ELMO1: variants seen among roughly 807,000 people sequenced by gnomAD.
ELMO1 encodes engulfment and cell motility 1.
Under a neutral mutation model 98.9 loss-of-function variants are expected in ELMO1, and 26 were observed. The ratio of observed to expected loss-of-function variants is 0.26; its 90% CI spans 0.19 to 0.36. The LOEUF (loss-of-function observed/expected upper bound fraction) is 0.36. ELMO1 is among the 10% of genes least tolerant of loss of function. The pLI is 1.00. For synonymous variants in ELMO1, 346 were observed against 346.0 expected, an observed-to-expected ratio of 1.00 and a Z score of 0.00; for missense variants, 627 against 935.2, an observed-to-expected ratio of 0.67 and a Z score of 4.30.
chr7:37,014,869 A>G (rs570108918), intron 15 of ELMO1, among the ~76,000 whole-genome samples: 74 of 150,324 alleles, frequency 4.9e-4, no homozygotes, highest in African/African-American at 1.8e-3. Context: ...TCTCGGGGAG[A>G]GCCCTGGTGC....
chr7:37,407,557 T>A (rs1583702758), intron 1 of ELMO1, among the ~76,000 whole-genome samples: 2 of 149,192 alleles, frequency 1.3e-5, no homozygotes. Flanking sequence ...TATTTCTAAG[T>A]GAAGGAAGCC....
chr7:37,122,947 A>G (rs1423961285), intron 14 of ELMO1, among the ~76,000 whole-genome samples: 4 of 152,244 alleles, frequency 2.6e-5, no homozygotes, highest in African/African-American at 9.7e-5. Context: ...CTCAGACCAC[A>G]GTGCAACCAA....
In ELMO1 at chr7:36,870,355, GGCAAATAGAGCTATTT is replaced by G. The variant is rs1443150486; in HGVS notation, c.1905+22_1905+37del. 1.3e-6 allele frequency: 2 copies of G among 1,591,340 alleles called. No homozygotes were observed. The highest frequency in any genetic ancestry group is 8.6e-7 in the Non-Finnish European group (1 of 1,159,524). On this transcript the variant is annotated intron_variant, in intron 20 of 21. Coordinates refer to ENST00000310758, the MANE Select transcript of ELMO1 (RefSeq NM_014800.11). This position sits in a 1 kb window ranked among gnomAD's most constrained non-coding sequence, Gnocchi z 4.4. Reference sequence around the variant, plus strand: ...CTGGCTGCAGTTGCCGACCGCACTGGGCAAATAGAGCTATTTGCAATAATTTGGAAATCATACCTTG... The same window carrying G: ...CTGGCTGCAGTTGCCGACCGCACTGGGCAATAATTTGGAAATCATACCTTG...
intron 17 of ELMO1, among the ~76,000 whole-genome samples, chr7:36,893,994 T>C (rs1025989368): frequency 2.0e-5 from 3 of 152,164 alleles, no homozygotes; most frequent in Non-Finnish European, 2.9e-5. Flanking sequence ...ATGTTACAAG[T>C]TGGCTTCATG....
chr7:37,108,071 T>G (rs1347802026), intron 14 of ELMO1, among the ~76,000 whole-genome samples: 3 of 152,200 alleles, frequency 2.0e-5, no homozygotes, highest in Non-Finnish European at 2.9e-5. Context: ...ATGAAAAAAT[T>G]GACTGAAACC....
At chr7:37,050,812 A>C (rs1284242993) in intron 15 of ELMO1, among the ~76,000 whole-genome samples, 1 of 139,562 alleles carries the variant, frequency 7.2e-6, no homozygotes, top group African/African-American at 3.1e-5. Context: ...GCCAAGTTCA[A>C]AGGTTTTTTT....
intron 4 of ELMO1, among the ~76,000 whole-genome samples, chr7:37,307,160 A>G (rs1798652673): frequency 6.6e-6 from 1 of 152,202 alleles, no homozygotes; most frequent in Non-Finnish European, 1.5e-5. Flanking sequence ...AAAATTAGGT[A>G]TGTCCAAAGG....
chr7:37,276,339 T>G (rs1347070402), intron 4 of ELMO1, among the ~76,000 whole-genome samples: 2 of 152,184 alleles, frequency 1.3e-5, no homozygotes, highest in Admixed American at 6.5e-5. Flanking sequence ...CCGGGCACGG[T>G]GGCTCAAGCC....
At chr7:37,211,143 C>A (rs1309095659) in intron 13 of ELMO1, 6 of 464,726 alleles carry the variant, frequency 1.3e-5, no homozygotes, top group Non-Finnish European at 2.3e-5. Flanking sequence ...CTCTCGGTTA[C>A]ACTTAATCAG....
chr7:37,404,832 G>A (rs1033617361), intron 1 of ELMO1, among the ~76,000 whole-genome samples: 2 of 152,260 alleles, frequency 1.3e-5, no homozygotes, highest in South Asian at 4.1e-4. Context: ...CTGGGTAATC[G>A]TTACTTGATG....
intron 13 of ELMO1, among the ~76,000 whole-genome samples, chr7:37,160,920 C>T (rs1470827801): frequency 1.3e-5 from 2 of 152,170 alleles, no homozygotes; most frequent in East Asian, 3.8e-4. Flanking sequence ...AGAGACCAAC[C>T]TGGGTTCCAA....
At chr7:37,071,716 A>G (rs1344451069) in intron 15 of ELMO1, among the ~76,000 whole-genome samples, 1 of 152,222 alleles carries the variant, frequency 6.6e-6, no homozygotes, top group African/African-American at 2.4e-5. Context: ...TCATGCTACC[A>G]TATTTTATTT....
At chr7:36,861,101 C>T (rs982186353) in intron 21 of ELMO1, among the ~76,000 whole-genome samples, 2 of 152,164 alleles carry the variant, frequency 1.3e-5, no homozygotes, top group African/African-American at 4.8e-5. Context: ...CTTACAAATG[C>T]ATTTTCCTAG....
chr7:37,133,901 C>T (rs149342083), intron 13 of ELMO1, among the ~76,000 whole-genome samples: 30 of 152,216 alleles, frequency 2.0e-4, no homozygotes, highest in African/African-American at 6.0e-4. Flanking sequence ...TACAGATATG[C>T]AGAACTCAAA....
rs868422885 is a variant in ELMO1, at chr7:37,167,413, G to C, written c.1087-34179C>G. 1.9e-3 allele frequency among the ~76,000 whole-genome samples: 283 copies of C among 152,020 alleles called. 2 individuals carry two copies. Among genetic ancestry groups the C allele is most frequent in the African/African-American group, 6.5e-3 (268 of 41,450 alleles). Reference sequence around the variant, plus strand: ...TAGCTGGTTATTTTGCTCGTTAGTTGATGCAGTTTCTTCCTAGTCTCAATG... The same window carrying C: ...TAGCTGGTTATTTTGCTCGTTAGTTCATGCAGTTTCTTCCTAGTCTCAATG... On this transcript the variant is annotated intron_variant, in intron 13 of 21. Transcript: ENST00000310758.
intron 15 of ELMO1, among the ~76,000 whole-genome samples, chr7:37,051,767 C>T (rs767496543): frequency 1.3e-5 from 2 of 152,126 alleles, no homozygotes; most frequent in Non-Finnish European, 2.9e-5. Context: ...AATGGTTTGT[C>T]TTCTGTGCAG....
intron 13 of ELMO1, among the ~76,000 whole-genome samples, chr7:37,195,078 C>T (rs192625919): frequency 1.3e-5 from 2 of 152,238 alleles, no homozygotes; most frequent in Admixed American, 6.5e-5. Context: ...CGTGCTGAAA[C>T]GGGGGTAGGA....
chr7:37,242,238 A>G (rs1794798606), intron 7 of ELMO1, among the ~76,000 whole-genome samples: 1 of 152,130 alleles, frequency 6.6e-6, no homozygotes, highest in Admixed American at 6.6e-5. Context: ...GACATCTTCA[A>G]CCTCATACAG....
chr7:36,885,627 T>C (rs17170764), intron 18 of ELMO1, among the ~76,000 whole-genome samples: 3,402 of 152,242 alleles, frequency 0.022, 108 homozygotes, highest in African/African-American at 0.077. Flanking sequence ...ATCCCAAACA[T>C]TGATTTTTCC....
Sources: gnomAD v4.1 joint callset for allele counts (sites outside exome capture counted in the v4.1 genomes callset) on GRCh38, gnomAD v4.1.1 for gene constraint, Gnocchi (gnomAD v3.1) non-coding constraint, MANE v1.5 for transcripts, NCBI Gene and HGNC (gene_info 2026-07-23, HGNC 2026-07-21) for gene names.